The following UCKL1 variants were observed in gnomAD, a reference collection of about 807,000 sequenced individuals.
UCKL1 encodes the protein uridine-cytidine kinase-like 1.
UCKL1 carries 65 observed loss-of-function variants against 59.2 expected under a neutral mutation model. That is an observed-to-expected ratio of 1.10 (90% CI 0.90 to 1.35). The LOEUF is 1.35. Among genes scored for constraint, UCKL1 ranks in the 40% most tolerant of loss-of-function variants. The pLI is 0.00. For missense variants in UCKL1, 703 were observed against 784.3 expected (o/e 0.90, Z 1.24); for synonymous variants, 410 against 323.1 (o/e 1.27, Z -2.88).
chr20:63,946,352 C>G, intron 2 of UCKL1, 85 bp from the exon 3 acceptor site: 1 of 1,532,466 alleles, frequency 6.5e-7, no homozygotes, highest in South Asian at 1.2e-5. Context: ...CCCGCTGCCG[C>G]TGCCTGCGGT....
chr20:63,948,678 T>TGTGTGAGAGGCAGGGGC (rs2057045167), intron 1 of UCKL1, among the ~76,000 whole-genome samples: 6 of 2,330 alleles, frequency 2.6e-3, no homozygotes, highest in South Asian at 0.017. Flanking sequence ...AGGGAGGGGG[T>TGTGTGAGAGGCAGGGGC]GTGTGTGAGA....
chr20:63,946,046 C>T (rs1187367882), intron 3 of UCKL1, 71 bp from the exon 4 acceptor site: 13 of 1,610,100 alleles, frequency 8.1e-6, no homozygotes. Context: ...GACAGGGGCT[C>T]TAGGCCTCCC....
rs201285389 is a variant in UCKL1 at position 63,945,900 on chromosome 20, C to T, written c.487G>A (p.Asp163Asn). Residue 163 changes from aspartate to asparagine, a missense_variant, in exon 4 of 15, where the codon GAC becomes AAC. Asp to Asn is a conservative substitution (Grantham distance 23). Around this residue, in one of 4 missense-constraint regions of UCKL1, gnomAD observed 398 missense variants for 373.0 expected, o/e 1.07. Coordinates refer to ENST00000354216, the MANE Select transcript of UCKL1 (RefSeq NM_017859.4). ...TTCTTGAGGGTGGAAATGATGAGGT[C>T]GAAGTCAAAGGCATCTGGGTGGTCG... is the stretch of plus-strand genomic sequence containing the variant. ...NFDHPDAFDF[D>N]LIISTLKKLK... is the part of the protein sequence containing the mutation. 235 of 1,613,778 alleles carry T rather than the reference C, an allele frequency of 1.5e-4. No homozygotes were observed. The East Asian group carries it at 2.0e-3, about 13-fold the overall frequency.
intron 1 of UCKL1, chr20:63,950,653 T>A: frequency 3.1e-6 from 4 of 1,277,432 alleles, no homozygotes; most frequent in Non-Finnish European, 4.1e-6. Context: ...TGCCAGCCTG[T>A]TTGATTCCTG....
chr20:63,950,922 A>G lies in UCKL1; in HGVS notation c.114-4279T>C, dbSNP rs2057493450. 13 of 1,387,296 alleles carry G rather than the reference A, an allele frequency of 9.4e-6. 1 individual carries two copies. The highest frequency in any genetic ancestry group is 1.2e-5 in the Non-Finnish European group (13 of 1,074,240). The allele number at this position is 1,387,296 out of a possible 1,614,324, so 85.9% of individuals were successfully genotyped here. ...GCAGGCAGCCGTGGGGGACATCACC[A>G]CCTCAGACCCACAGCAGTCCCCTAG... On this transcript the variant is annotated intron_variant, in intron 1 of 14. Transcript: ENST00000354216.
At chr20:63,942,381 G>A in intron 8 of UCKL1, 20 of 1,176,062 alleles carry the variant, frequency 1.7e-5, no homozygotes, top group Non-Finnish European at 2.1e-5. Flanking sequence ...GGCGGGGCAG[G>A]AGCAGGAAAG....
At chr20:63,942,679 C>A in intron 8 of UCKL1, 1 of 502,346 alleles carries the variant, frequency 2.0e-6, no homozygotes, top group Non-Finnish European at 4.1e-6. Context: ...CCGACCAAGG[C>A]TTCCTGGGGC....
intron 8 of UCKL1, chr20:63,942,412 G>C: frequency 2.6e-6 from 3 of 1,174,294 alleles, no homozygotes; most frequent in South Asian, 1.6e-5. Flanking sequence ...GGGAGCAGCG[G>C]GGCAAGGGGC....
Position 63,940,860 on chromosome 20 carries a change from T to C in UCKL1, c.1117-4A>G, listed in dbSNP as rs1200256155. The C allele has an allele frequency of 1.3e-6, 2 of 1,538,534 alleles. No individual in the cohort carries two copies. Among genetic ancestry groups the C allele is most frequent in the East Asian group, 2.3e-5 (1 of 44,172 alleles). On this transcript the variant is annotated splice_polypyrimidine_tract_variant and splice_region_variant and intron_variant, in intron 10 of 14. Coordinates refer to ENST00000354216, the MANE Select transcript of UCKL1 (RefSeq NM_017859.4). ...GCGGGGTCTGTACGACGCAGTCCTGTGGGGTGCAGGGTGAGGACTCCGGTG... is the reference window on the plus strand; with the variant it reads ...GCGGGGTCTGTACGACGCAGTCCTGCGGGGTGCAGGGTGAGGACTCCGGTG...
chr20:63,950,372 C>T (rs954862057), intron 1 of UCKL1, among the ~76,000 whole-genome samples: 1 of 152,106 alleles, frequency 6.6e-6, no homozygotes, highest in Non-Finnish European at 1.5e-5. Context: ...GTCAGCAGTT[C>T]GTGACCAGCC....
rs1216949485 is a variant in UCKL1 at position 63,941,178 on chromosome 20, G to A, written c.954C>T (p.His318=). Residue 318 remains histidine, a synonymous_variant, in exon 9 of 15, where the codon CAC becomes CAT. Transcript: ENST00000354216. ...RAALASAHQC[H]PLPRTLSVLK... ...GGACGCTCAGCGTCCGGGGCAGCGGGTGGCACTGGTGTGCCGAGGCCAGCG... is the reference window on the plus strand; with the variant it reads ...GGACGCTCAGCGTCCGGGGCAGCGGATGGCACTGGTGTGCCGAGGCCAGCG... The A allele has an allele frequency of 3.8e-6, 6 of 1,564,730 alleles. No homozygotes were observed. The African/African-American group carries it at 4.1e-5, about 11-fold the overall frequency.
intron 7 of UCKL1, among the ~76,000 whole-genome samples, chr20:63,944,044 C>G (rs953621958): frequency 6.6e-6 from 1 of 152,178 alleles, no homozygotes; most frequent in Non-Finnish European, 1.5e-5. Flanking sequence ...GGAGCCTGGC[C>G]TGGCGTGGGA....
In UCKL1 at chr20:63,946,239, C is replaced by T. The variant is rs1393329191; in HGVS notation, c.333G>A (p.Lys111=). The T allele has an allele frequency of 6.2e-7, 1 of 1,604,494 alleles. No individual in the cohort carries two copies. Among genetic ancestry groups the T allele is most frequent in the East Asian group, 2.3e-5 (1 of 44,192 alleles). The part of the protein sequence containing the change: ...IGLGGGSASG[K]TTVARMIIEA... Reference sequence around the variant, plus strand: ...CGATGATCATTCTGGCCACAGTGGTCTTCCCAGAGGCACTGCCGCCTCCCA... The same window carrying T: ...CGATGATCATTCTGGCCACAGTGGTTTTCCCAGAGGCACTGCCGCCTCCCA... The change falls in exon 3 of 15, where the codon AAG becomes AAA. Residue 111 remains lysine (K), a synonymous_variant. Coordinates refer to ENST00000354216, the MANE Select transcript of UCKL1 (RefSeq NM_017859.4).
intron 1 of UCKL1, 145 bp downstream of exon 1, chr20:63,956,115 G>T: frequency 2.6e-6 from 2 of 779,178 alleles, no homozygotes; most frequent in Non-Finnish European, 1.9e-6. Context: ...GTTCCACCCG[G>T]CACGTGGGAG....
At chr20:63,949,212 C>A (rs907505093) in intron 1 of UCKL1, among the ~76,000 whole-genome samples, 8 of 152,086 alleles carry the variant, frequency 5.3e-5, no homozygotes, top group Non-Finnish European at 1.2e-4. Flanking sequence ...GGAGATCGTT[C>A]TGGAGCTGAG....
intron 1 of UCKL1, among the ~76,000 whole-genome samples, chr20:63,948,972 G>A (rs1376322293): frequency 6.6e-6 from 1 of 151,846 alleles, no homozygotes; most frequent in African/African-American, 2.4e-5. Context: ...ACACACAGGG[G>A]GCAGTGGAAG....
intron 1 of UCKL1, among the ~76,000 whole-genome samples, chr20:63,949,721 G>C (rs1194556568): frequency 6.6e-6 from 1 of 152,200 alleles, no homozygotes; most frequent in East Asian, 1.9e-4. Flanking sequence ...CATCTGCAGG[G>C]AATCACCCAC....
rs371110674 is a variant in UCKL1 at position 63,946,134 on chromosome 20, C to T, written c.411+27G>A. 17 of 1,610,466 alleles carry T rather than the reference C, an allele frequency of 1.1e-5. No homozygotes were observed. In the African/African-American group the frequency reaches 2.1e-4, roughly 20 times the overall value. On this transcript the variant is annotated intron_variant, in intron 3 of 14. Transcript: ENST00000354216. ...AGGGTCAGGGAGAGGACAAAGGGGT[C>T]CTCGGGGGAGCTGGGCGGGGGCCCA...
rs1370652730 is a variant in UCKL1 at position 63,940,774 on chromosome 20, A to G, written c.1179+20T>C. 4 of 1,599,218 alleles carry G rather than the reference A, an allele frequency of 2.5e-6. No homozygotes were observed. The highest frequency in any genetic ancestry group is 1.7e-4 in the Middle Eastern group (1 of 5,982). ...CGCCCCAGCAGCCTGTCCCGCGCCC[A>G]GGTGTGCCCAGGCAGGTACCTGCTT... On this transcript the variant is annotated intron_variant, in intron 11 of 14. Coordinates refer to ENST00000354216, the MANE Select transcript of UCKL1 (RefSeq NM_017859.4).
Sources: gnomAD v4.1 joint callset for allele counts (sites outside exome capture counted in the v4.1 genomes callset) on GRCh38, gnomAD v4.1.1 for gene constraint, gnomAD v4.1.1 regional missense constraint, MANE v1.5 for transcripts, NCBI Gene and HGNC (gene_info 2026-07-23, HGNC 2026-07-21) for gene names.